Variants in EFCAB13 observed in about 807,000 individuals in gnomAD.
EFCAB13 encodes EF-hand calcium-binding domain-containing protein 13.
EFCAB13 carries 91 observed loss-of-function variants against 110.2 expected under a neutral mutation model. That is an observed-to-expected ratio of 0.83 (90% CI 0.70 to 0.98). EFCAB13 has a LOEUF of 0.98. EFCAB13 is among the 50% of genes least tolerant of loss of function. The pLI is 0.00. For missense variants in EFCAB13, 968 were observed against 1,119.4 expected (o/e 0.86, Z 1.93); for synonymous variants, 323 against 369.9 (o/e 0.87, Z 1.45).
chr17:47,415,691 T>G, intron 23 of EFCAB13, among the ~76,000 whole-genome samples: 1 of 152,228 alleles, frequency 6.6e-6, no homozygotes, highest in East Asian at 1.9e-4. Context: ...GTCATGCCTC[T>G]GGAGTTTTCA....
chr17:47,440,050 T>C (rs1253116987), intron 24 of EFCAB13, among the ~76,000 whole-genome samples: 1 of 152,132 alleles, frequency 6.6e-6, no homozygotes, highest in Non-Finnish European at 1.5e-5. Flanking sequence ...CAGTATTATA[T>C]TTATTCTGTA....
chr17:47,364,193 G>A (rs983054285), intron 10 of EFCAB13, among the ~76,000 whole-genome samples: 1 of 152,184 alleles, frequency 6.6e-6, no homozygotes, highest in Admixed American at 6.5e-5. Context: ...AAACCTGAGA[G>A]TCATCCTTGG....
At chr17:47,327,295 G>A (rs892424478) in intron 3 of EFCAB13, among the ~76,000 whole-genome samples, 15 of 150,644 alleles carry the variant, frequency 1.0e-4, no homozygotes, top group African/African-American at 3.2e-4. Flanking sequence ...CTCCTGAGTA[G>A]CTGGGATTAT....
intron 15 of EFCAB13, among the ~76,000 whole-genome samples, chr17:47,393,750 AAAT>A (rs2065722058): frequency 2.8e-5 from 4 of 144,306 alleles, no homozygotes; most frequent in Non-Finnish European, 3.1e-5. Context: ...ATAAATAAAT[AAAT>A]AAAAATAAAA....
At position 47,404,582 on chromosome 17, in the gene EFCAB13, A is replaced by C. The variant is rs1212235252; in HGVS notation, c.2182A>C (p.Lys728Gln). Residue 728 changes from lysine to glutamine, a missense_variant, in exon 20 of 25, where the codon AAA becomes CAA. Transcript: ENST00000331493. ...FVSEDNMVNI[K>Q]DCMRALRDTQ... ...TGCAGAAGATAACATGGTGAACATTAAAGACTGTATGAGGGCTTTGAGGGA... is the reference window on the plus strand; with the variant it reads ...TGCAGAAGATAACATGGTGAACATTCAAGACTGTATGAGGGCTTTGAGGGA... 1.2e-6 allele frequency: 2 copies of C among 1,612,778 alleles called. No individual in the cohort carries two copies. Among genetic ancestry groups the C allele is most frequent in the South Asian group, 2.2e-5 (2 of 90,958 alleles).
chr17:47,396,748 T>C lies in EFCAB13; in HGVS notation c.1945+771T>C, dbSNP rs137857255. Among the ~76,000 whole-genome samples the C allele has an allele frequency of 9.2e-5, 14 of 152,338 alleles. No individual in the cohort carries two copies. In the East Asian group the frequency reaches 2.7e-3, roughly 29 times the overall value. On this transcript the variant is annotated intron_variant, in intron 17 of 24. Coordinates refer to ENST00000331493, the MANE Select transcript of EFCAB13 (RefSeq NM_152347.5). ...CCTTTTCATCCATTAAGCTTCCATT[T>C]AGTTGAGGCTAGAAGTTTTGGGCTT...
At chr17:47,344,594 T>C (rs2065405034) in intron 7 of EFCAB13, among the ~76,000 whole-genome samples, 1 of 152,166 alleles carries the variant, frequency 6.6e-6, no homozygotes. Context: ...CATTATATGA[T>C]TTCAGCAATT....
chr17:47,417,866 G>C (rs1853170880), intron 23 of EFCAB13, among the ~76,000 whole-genome samples: 1 of 152,156 alleles, frequency 6.6e-6, no homozygotes, highest in Non-Finnish European at 1.5e-5. Flanking sequence ...TTCTTCCACA[G>C]TGTTGACAAT....
chr17:47,431,045 T>A lies in EFCAB13; in HGVS notation c.2638+1084T>A, dbSNP rs1905106596. Among the ~76,000 whole-genome samples, 1 of 152,124 alleles carries A rather than the reference T, an allele frequency of 6.6e-6. No individual in the cohort carries two copies. The highest frequency in any genetic ancestry group is 2.4e-5 in the African/African-American group (1 of 41,460). ...GATATTTTGATACAAGTATTCAATA[T>A]ATAATGATCAAATCAGGATAGTTGG... On this transcript the variant is annotated intron_variant, in intron 24 of 24. Transcript: ENST00000331493. This position sits in a 1 kb window ranked among gnomAD's most constrained non-coding sequence, Gnocchi z 4.1.
intron 23 of EFCAB13, among the ~76,000 whole-genome samples, chr17:47,424,787 T>A (rs1238290653): frequency 6.6e-6 from 1 of 151,488 alleles, no homozygotes; most frequent in Non-Finnish European, 1.5e-5. Flanking sequence ...ACAAGAACCG[T>A]TTCTAAAGTT....
chr17:47,324,798 C>T (rs1276472516), intron 2 of EFCAB13, among the ~76,000 whole-genome samples: 1 of 151,260 alleles, frequency 6.6e-6, no homozygotes, highest in Non-Finnish European at 1.5e-5. Context: ...CCTCACAGCC[C>T]CATTTTCCTC....
At chr17:47,428,284 T>C (rs571501666) in intron 23 of EFCAB13, among the ~76,000 whole-genome samples, 1 of 152,196 alleles carries the variant, frequency 6.6e-6, no homozygotes, top group Admixed American at 6.5e-5. Flanking sequence ...AGTAGTGTTC[T>C]ATGGCTCACA....
chr17:47,325,091 G>A (rs2065274218), intron 2 of EFCAB13, among the ~76,000 whole-genome samples: 1 of 142,412 alleles, frequency 7.0e-6, no homozygotes, highest in South Asian at 2.3e-4. Context: ...TGCAATCATA[G>A]CCCACTGCAG....
chr17:47,351,984 C>T (rs1174335462), intron 9 of EFCAB13, among the ~76,000 whole-genome samples: 1 of 150,308 alleles, frequency 6.7e-6, no homozygotes, highest in Non-Finnish European at 1.5e-5. Flanking sequence ...TCACTGCAAG[C>T]TCTGCCTCCT....
chr17:47,341,679 A>G (rs1209862352), intron 5 of EFCAB13, among the ~76,000 whole-genome samples: 1 of 152,046 alleles, frequency 6.6e-6, no homozygotes, highest in Non-Finnish European at 1.5e-5. Flanking sequence ...ACAAAAAAAG[A>G]CACCTTGTAG....
intron 8 of EFCAB13, 76 bp downstream of exon 8, chr17:47,345,174 G>A: frequency 2.9e-6 from 3 of 1,033,814 alleles, no homozygotes; most frequent in Non-Finnish European, 2.9e-6. Flanking sequence ...AGCAGTTAGT[G>A]CCTCTTCATC....
Position 47,395,825 on chromosome 17 carries a change from AC to A in EFCAB13, c.1802-6del. ...CATTCGTAAAACTTGTGTTTTATCTACCCTTTAGTATTGCCTGATGCTATTG... is the reference window on the plus strand; with the variant it reads ...CATTCGTAAAACTTGTGTTTTATCTACCTTTAGTATTGCCTGATGCTATTG... On this transcript the variant is annotated splice_polypyrimidine_tract_variant and splice_region_variant and intron_variant, in intron 16 of 24. Transcript: ENST00000331493. 1.3e-6 allele frequency: 2 copies of A among 1,583,360 alleles called. No homozygotes were observed. Among genetic ancestry groups the A allele is most frequent in the Non-Finnish European group, 1.7e-6 (2 of 1,163,444 alleles).
chr17:47,392,201 A>G (rs895878865), intron 15 of EFCAB13, among the ~76,000 whole-genome samples: 18 of 152,204 alleles, frequency 1.2e-4, no homozygotes, highest in Admixed American at 2.0e-4. Flanking sequence ...GAATATGTCT[A>G]AGTTGTATGA....
Position 47,435,744 on chromosome 17 carries a change from G to A in EFCAB13, c.2639-4687G>A, listed in dbSNP as rs117482170. ...CAATCATCATCTGCAAATAGTGACC[G>A]TTTGACTTCCTCTTTACCAGTTTCG... On this transcript the variant is annotated intron_variant, in intron 24 of 24. Transcript: ENST00000331493. 3.0e-3 allele frequency among the ~76,000 whole-genome samples: 458 copies of A among 152,112 alleles called. 3 individuals are homozygous for A. The highest frequency in any genetic ancestry group is 0.011 in the African/African-American group (436 of 41,490).
Sources: allele counts gnomAD v4.1 joint callset (sites outside exome capture counted in the v4.1 genomes callset), GRCh38; gene constraint gnomAD v4.1.1; non-coding constraint Gnocchi (gnomAD v3.1); transcripts MANE v1.5; gene names NCBI Gene and HGNC (gene_info 2026-07-23, HGNC 2026-07-21).